SRGAP3: variants seen among roughly 807,000 people sequenced by gnomAD.
SRGAP3 encodes the protein SLIT-ROBO Rho GTPase-activating protein 3.
Under a neutral mutation model 121.1 loss-of-function variants are expected in SRGAP3, and 39 were observed. That is an observed-to-expected ratio of 0.32 (90% CI 0.25 to 0.42). The LOEUF is 0.42. SRGAP3 is among the 10% of genes least tolerant of loss of function. The probability of loss-of-function intolerance (pLI) is 1.00; values close to 1 mark genes in which losing one functional copy is unlikely to be tolerated. For synonymous variants in SRGAP3, 601 were observed against 570.0 expected (o/e 1.05, Z -0.77); for missense variants, 1,213 against 1,470.6 (o/e 0.82, Z 2.86).
At chr3:9,283,250 C>A (rs1440209650) in intron 3 of SRGAP3, among the ~76,000 whole-genome samples, 2 of 152,148 alleles carry the variant, frequency 1.3e-5, no homozygotes, top group Non-Finnish European at 2.9e-5. Flanking sequence ...CTGGTAGTTT[C>A]TTAAAGACTA....
At chr3:9,183,767 A>AACAC (rs62971361) in intron 1 of SRGAP3, among the ~76,000 whole-genome samples, 287 of 148,260 alleles carry the variant, frequency 1.9e-3, no homozygotes, top group African/African-American at 5.4e-3. Context: ...CAAATTTGCT[A>AACAC]ACACACACAC....
chr3:9,029,686 A>G (rs1360495442), intron 12 of SRGAP3, among the ~76,000 whole-genome samples: 1 of 152,254 alleles, frequency 6.6e-6, no homozygotes. Flanking sequence ...TAGTTGAAGG[A>G]TTGAATACAT....
intron 3 of SRGAP3, among the ~76,000 whole-genome samples, chr3:9,258,108 T>C (rs887847834): frequency 6.6e-6 from 1 of 152,156 alleles, no homozygotes; most frequent in Non-Finnish European, 1.5e-5. Context: ...CTCAGTTTAA[T>C]GGAAGAGACT....
At chr3:9,333,577 T>C (rs1955643674) in intron 1 of SRGAP3, among the ~76,000 whole-genome samples, 1 of 152,142 alleles carries the variant, frequency 6.6e-6, no homozygotes, top group African/African-American at 2.4e-5. Flanking sequence ...ATTTCTCCGG[T>C]GGTGGCACAA....
At position 9,327,117 on chromosome 3, in the gene SRGAP3, T is replaced by G. The variant is rs189821151; in HGVS notation, n.284-949A>C. On this transcript the variant is annotated intron_variant and non_coding_transcript_variant, in intron 2 of 3. Coordinates refer to the SRGAP3 transcript ENST00000490889. Reference sequence around the variant, plus strand: ...TGTATTTTTAATGTTAAAGCTAGTTTTTAATAACATTTTATAATCTATTCA... The same window carrying G: ...TGTATTTTTAATGTTAAAGCTAGTTGTTAATAACATTTTATAATCTATTCA... Among the ~76,000 whole-genome samples, 8 of 152,078 alleles carry G rather than the reference T, an allele frequency of 5.3e-5. 1 individual carries two copies. Among genetic ancestry groups the G allele is most frequent in the South Asian group, 4.1e-4 (2 of 4,828 alleles).
chr3:9,207,619 G>A (rs1021694450), intron 1 of SRGAP3, among the ~76,000 whole-genome samples: 1 of 152,154 alleles, frequency 6.6e-6, no homozygotes. Context: ...AAGAAGCCAG[G>A]CCACACTACA....
Position 9,058,275 on chromosome 3 carries a change from C to T in SRGAP3, c.999G>A (p.Glu333=), listed in dbSNP as rs201518024. ...NQVFCPPLKF[E]FQPHMGDEVC... ...CCTCATCCCCCATGTGGGGCTGGAACTCGAACTTGAGTGGAGGGCAGAAGA... is the reference window on the plus strand; with the variant it reads ...CCTCATCCCCCATGTGGGGCTGGAATTCGAACTTGAGTGGAGGGCAGAAGA... Residue 333 remains glutamate (E), a synonymous_variant, in exon 7 of 22, where the codon GAG becomes GAA. Transcript: ENST00000383836. 9 of 1,614,254 alleles carry T rather than the reference C, an allele frequency of 5.6e-6. No individual in the cohort carries two copies. In the East Asian group the frequency reaches 2.0e-4, roughly 36 times the overall value.
intron 1 of SRGAP3, among the ~76,000 whole-genome samples, chr3:9,178,052 G>C (rs981070669): frequency 7.9e-5 from 12 of 152,128 alleles, no homozygotes; most frequent in Non-Finnish European, 1.5e-4. Flanking sequence ...CAGATTGCTT[G>C]AGCCCAGGAG....
intron 18 of SRGAP3, among the ~76,000 whole-genome samples, chr3:9,005,521 C>T (rs1193030681): frequency 6.6e-6 from 1 of 152,170 alleles, no homozygotes; most frequent in Non-Finnish European, 1.5e-5. Flanking sequence ...GTAGAAACAA[C>T]CCAAATGTCC....
At chr3:9,048,295 CA>C (rs1336424662) in intron 9 of SRGAP3, among the ~76,000 whole-genome samples, 1 of 152,250 alleles carries the variant, frequency 6.6e-6, no homozygotes, top group Non-Finnish European at 1.5e-5. Context: ...CACAGAGCCC[CA>C]CTGGGCATGC....
chr3:9,084,815 T>C (rs966697432), intron 3 of SRGAP3, among the ~76,000 whole-genome samples: 2 of 152,168 alleles, frequency 1.3e-5, no homozygotes, highest in Admixed American at 6.5e-5. Context: ...AATGGACTTA[T>C]CCTATTCCTC....
At chr3:9,086,903 T>A (rs2124828366) in intron 3 of SRGAP3, among the ~76,000 whole-genome samples, 1 of 151,164 alleles carries the variant, frequency 6.6e-6, no homozygotes, top group African/African-American at 2.4e-5. Context: ...GAGAAGGGAA[T>A]ATAAAATTGA....
chr3:9,056,378 C>A, intron 7 of SRGAP3, 44 bp from the exon 8 acceptor site: 1 of 1,594,542 alleles, frequency 6.3e-7, no homozygotes, highest in Non-Finnish European at 8.6e-7. Flanking sequence ...CTGTGCCCTC[C>A]TCACCTGTGT....
chr3:9,270,530 GC>G (rs1658121169), intron 3 of SRGAP3, among the ~76,000 whole-genome samples: 1 of 152,100 alleles, frequency 6.6e-6, no homozygotes, highest in Non-Finnish European at 1.5e-5. Context: ...ATCGACTTGT[GC>G]ATTTAATATC....
At chr3:9,069,506 T>C (rs1391516404) in intron 4 of SRGAP3, among the ~76,000 whole-genome samples, 2 of 152,234 alleles carry the variant, frequency 1.3e-5, no homozygotes, top group East Asian at 1.9e-4. Context: ...CAGACTCTAT[T>C]CAGGGAGTCT....
chr3:9,181,218 G>A (rs1951389090), intron 1 of SRGAP3, among the ~76,000 whole-genome samples: 1 of 152,188 alleles, frequency 6.6e-6, no homozygotes, highest in Non-Finnish European at 1.5e-5. Context: ...ACAGGTGGGT[G>A]GCATTATTCA....
chr3:9,029,977 C>CAAA (rs142407625), intron 12 of SRGAP3, among the ~76,000 whole-genome samples: 9 of 135,372 alleles, frequency 6.6e-5, no homozygotes, highest in African/African-American at 2.4e-4. Context: ...CCTGTCTCTA[C>CAAA]AAAAAAAAAA....
intron 3 of SRGAP3, among the ~76,000 whole-genome samples, chr3:9,271,526 G>A (rs911010484): frequency 4.6e-5 from 7 of 152,062 alleles, no homozygotes; most frequent in African/African-American, 1.4e-4. Context: ...GGACCCTCCC[G>A]GTTTCAGAAC....
chr3:9,327,805 A>T (rs1955543916), intron 2 of SRGAP3, among the ~76,000 whole-genome samples: 1 of 152,216 alleles, frequency 6.6e-6, no homozygotes, highest in Non-Finnish European at 1.5e-5. Flanking sequence ...TTCTTTCATG[A>T]CTTACACAGA....
Sources: gnomAD v4.1 joint callset for allele counts (sites outside exome capture counted in the v4.1 genomes callset) on GRCh38, gnomAD v4.1.1 for gene constraint, MANE v1.5 for transcripts, NCBI Gene and HGNC (gene_info 2026-07-23, HGNC 2026-07-21) for gene names.